Variants in SETBP1 observed in about 807,000 individuals in gnomAD.
The protein encoded by SETBP1 is SET binding protein 1.
A neutral mutation model predicts 101.0 loss-of-function variants in SETBP1; 9 were observed. The observed-to-expected ratio is 0.09, with a 90% CI of 0.05 to 0.16. The LOEUF is 0.16. Among genes scored for constraint, SETBP1 ranks in the 10% least tolerant of loss-of-function variants. The pLI, the probability that SETBP1 is intolerant of heterozygous loss-of-function variation, is 1.00. For synonymous variants in SETBP1, 818 were observed against 788.5 expected, an observed-to-expected ratio of 1.04 and a Z score of -0.63; for missense variants, 1,858 against 2,033.8, an observed-to-expected ratio of 0.91 and a Z score of 1.66.
At chr18:44,788,841 A>G (rs2071307030) in intron 2 of SETBP1, among the ~76,000 whole-genome samples, 1 of 120,230 alleles carries the variant, frequency 8.3e-6, no homozygotes, top group African/African-American at 3.3e-5. Flanking sequence ...TCTGTCACCC[A>G]GGCTAGAGTG....
At chr18:44,727,186 C>CTGTGTGTGTGTGTG (rs56695366) in intron 2 of SETBP1, among the ~76,000 whole-genome samples, 6,726 of 145,132 alleles carry the variant, frequency 0.046, 172 homozygotes, top group South Asian at 0.065. Context: ...TATTTGATCA[C>CTGTGTGTGTGTGTG]TGTGTGTGTG....
intron 4 of SETBP1, among the ~76,000 whole-genome samples, chr18:44,975,673 T>A (rs8085295): frequency 0.3 from 45,070 of 152,046 alleles, 7,820 homozygotes; most frequent in East Asian, 0.54. Flanking sequence ...ACTACATAAC[T>A]TCGCATAGCT....
At chr18:44,766,247 CGGGT>C (rs1568132295) in intron 2 of SETBP1, among the ~76,000 whole-genome samples, 4 of 152,200 alleles carry the variant, frequency 2.6e-5, no homozygotes, top group Non-Finnish European at 5.9e-5. Context: ...CAGTGGACAA[CGGGT>C]CATGGGGCTT....
At chr18:44,812,126 T>G (rs2071876253) in intron 2 of SETBP1, among the ~76,000 whole-genome samples, 1 of 152,060 alleles carries the variant, frequency 6.6e-6, no homozygotes, top group Non-Finnish European at 1.5e-5. Context: ...GAGACTCTCA[T>G]GAGGAGAGCT....
At position 44,993,615 on chromosome 18, in the gene SETBP1, A is replaced by AT. The variant is rs1362654302; in HGVS notation, c.4000+40277dup. ...TTAAAAATGAGTCTTATTGAAGTTTATTAAAAAATACAATTGAGAAAAATA... is the reference window on the plus strand; with the variant it reads ...TTAAAAATGAGTCTTATTGAAGTTTATTTAAAAAATACAATTGAGAAAAATA... On this transcript the variant is annotated intron_variant, in intron 4 of 5. Coordinates refer to ENST00000649279, the MANE Select transcript of SETBP1 (RefSeq NM_015559.3). Among the ~76,000 whole-genome samples, 6 of 152,174 alleles carry AT rather than the reference A, an allele frequency of 3.9e-5. No homozygotes were observed. In the East Asian group the frequency reaches 7.7e-4, roughly 20 times the overall value.
rs184534067 is a variant in SETBP1 at position 44,856,985 on chromosome 18, G to A, written c.487-12245G>A. Among the ~76,000 whole-genome samples the A allele has an allele frequency of 3.6e-3, 548 of 152,162 alleles. 4 individuals are homozygous for A. The highest frequency in any genetic ancestry group is 6.2e-3 in the Non-Finnish European group (420 of 68,018). On this transcript the variant is annotated intron_variant, in intron 2 of 5. Coordinates refer to ENST00000649279, the MANE Select transcript of SETBP1 (RefSeq NM_015559.3). The stretch of plus-strand genomic sequence containing the variant: ...TCCCTCACCTCTACTTTCTAGATCT[G>A]GAATTTCTCTTTATCAAAAGAGCTG...
chr18:44,685,321 A>G (rs1268141649), intron 1 of SETBP1, among the ~76,000 whole-genome samples: 1 of 152,172 alleles, frequency 6.6e-6, no homozygotes, highest in Non-Finnish European at 1.5e-5. Context: ...TATGCATGGC[A>G]TTTTGTTCTT....
At chr18:44,972,871 C>A (rs537584605) in intron 4 of SETBP1, among the ~76,000 whole-genome samples, 42 of 152,220 alleles carry the variant, frequency 2.8e-4, no homozygotes, top group African/African-American at 1.0e-3. Context: ...CCTTTATTTC[C>A]TTTTCCTGAC....
chr18:44,829,028 A>G lies in SETBP1; in HGVS notation c.487-40202A>G, dbSNP rs2072300562. ...TTTGTTAAGTAGCTCATGCTAAGAC[A>G]AGACATTTTTCTGGTTACATCTACC... On this transcript the variant is annotated intron_variant, in intron 2 of 5. Coordinates refer to ENST00000649279, the MANE Select transcript of SETBP1 (RefSeq NM_015559.3). Among the ~76,000 whole-genome samples, 4 of 152,268 alleles carry G rather than the reference A, an allele frequency of 2.6e-5. No homozygotes were observed. The South Asian group carries it at 8.3e-4, about 32-fold the overall frequency.
chr18:44,861,628 A>G (rs2069015584), intron 2 of SETBP1, among the ~76,000 whole-genome samples: 1 of 152,168 alleles, frequency 6.6e-6, no homozygotes, highest in African/African-American at 2.4e-5. Context: ...AAAGAACATG[A>G]GTTAGCCAAG....
chr18:44,930,723 T>C (rs2070812557), intron 3 of SETBP1, among the ~76,000 whole-genome samples: 1 of 152,224 alleles, frequency 6.6e-6, no homozygotes, highest in African/African-American at 2.4e-5. Context: ...TTTATTTGCG[T>C]AGGGCTGTTT....
chr18:44,750,716 T>C (rs1301797026), intron 2 of SETBP1, among the ~76,000 whole-genome samples: 1 of 152,188 alleles, frequency 6.6e-6, no homozygotes, highest in Non-Finnish European at 1.5e-5. Context: ...CACTGCTCTT[T>C]CAGAGTTCTG....
intron 4 of SETBP1, chr18:44,986,569 G>A (rs2072238664): frequency 1.3e-5 from 2 of 150,840 alleles, no homozygotes; most frequent in Non-Finnish European, 3.0e-5. Context: ...TTCTACAGTT[G>A]TGCAAAATAT....
At chr18:44,693,329 C>T (rs139639524) in intron 1 of SETBP1, among the ~76,000 whole-genome samples, 99 of 152,218 alleles carry the variant, frequency 6.5e-4, no homozygotes, top group African/African-American at 2.3e-3. Flanking sequence ...CAGGTCTTAC[C>T]CTTCAAGGGC....
At chr18:44,852,923 T>C (rs892845855) in intron 2 of SETBP1, among the ~76,000 whole-genome samples, 1 of 152,184 alleles carries the variant, frequency 6.6e-6, no homozygotes, top group Admixed American at 6.5e-5. Flanking sequence ...TGATGAGGTA[T>C]GAGCAGCTGC....
At chr18:44,725,072 C>T (rs2069678060) in intron 2 of SETBP1, among the ~76,000 whole-genome samples, 2 of 152,100 alleles carry the variant, frequency 1.3e-5, no homozygotes, top group Non-Finnish European at 2.9e-5. Context: ...TGGGGGTTTA[C>T]TTTCAAAGGA....
intron 4 of SETBP1, among the ~76,000 whole-genome samples, chr18:45,036,909 CT>C (rs1424946507): frequency 3.3e-5 from 5 of 152,214 alleles, no homozygotes; most frequent in Admixed American, 3.3e-4. Flanking sequence ...TACCTGGAAA[CT>C]TCCAGCTTTG....
chr18:44,756,212 A>C (rs2070490505), intron 2 of SETBP1, among the ~76,000 whole-genome samples: 1 of 144,094 alleles, frequency 6.9e-6, no homozygotes, highest in Non-Finnish European at 1.6e-5. Context: ...GTAAGACTCC[A>C]TGTCAAAAAA....
In SETBP1 at chr18:45,029,957, C is replaced by T. The variant is rs570784316; in HGVS notation, c.4001-8528C>T. On this transcript the variant is annotated intron_variant, in intron 4 of 5. Transcript: ENST00000649279. ...GATATACAATCATGTCATCTGCAAA[C>T]AGGGACAATTTGACTTCCTCTTTTC... Among the ~76,000 whole-genome samples the T allele has an allele frequency of 6.6e-5, 10 of 150,588 alleles. No homozygotes were observed. The East Asian group carries it at 2.0e-3, about 30-fold the overall frequency.
Sources: allele counts gnomAD v4.1 joint callset (sites outside exome capture counted in the v4.1 genomes callset), GRCh38; gene constraint gnomAD v4.1.1; transcripts MANE v1.5; gene names NCBI Gene and HGNC (gene_info 2026-07-23, HGNC 2026-07-21).